The following PACRG variants were observed in gnomAD, a reference collection of about 807,000 sequenced individuals.
PACRG encodes parkin coregulated.
A neutral mutation model predicts 29.7 loss-of-function variants in PACRG; 29 were observed. That is an observed-to-expected ratio of 0.98 (90% confidence interval 0.73 to 1.33). The LOEUF is 1.33. Among genes scored for constraint, PACRG ranks in the 40% most tolerant of loss-of-function variants. The probability of loss-of-function intolerance (pLI) is 0.00; values close to 1 mark genes in which losing one functional copy is unlikely to be tolerated. For synonymous variants in PACRG, 116 were observed against 118.7 expected (o/e 0.98, Z 0.15); for missense variants, 279 against 316.2 (o/e 0.88, Z 0.89).
At chr6:163,069,824 C>T (rs563305989) in intron 3 of PACRG, among the ~76,000 whole-genome samples, 1 of 152,020 alleles carries the variant, frequency 6.6e-6, no homozygotes, top group East Asian at 1.9e-4. Context: ...TATAAAACAC[C>T]AACCAGATTT....
At chr6:162,727,766 TC>T, upstream of PACRG, 1 of 1,279,874 alleles carries the variant, frequency 7.8e-7, no homozygotes, top group Non-Finnish European at 1.1e-6. Context: ...GGTTAAATCC[TC>T]CAGGCCTCCC....
At chr6:163,239,678 CTACACACACACGCACACTCCCACA>C (rs1231310455) in intron 4 of PACRG, among the ~76,000 whole-genome samples, 2 of 148,380 alleles carry the variant, frequency 1.3e-5, no homozygotes, top group African/African-American at 2.5e-5. Flanking sequence ...CCCCCCACCC[CTACACACACACGCACACTCCCACA>C]TACACACACA....
intron 1 of PACRG, among the ~76,000 whole-genome samples, chr6:162,733,555 A>G (rs1162082676): frequency 6.6e-6 from 1 of 152,148 alleles, no homozygotes; most frequent in Non-Finnish European, 1.5e-5. Flanking sequence ...GAGAAGGCCG[A>G]ATCATGGCAT....
intron 4 of PACRG, among the ~76,000 whole-genome samples, chr6:163,104,841 T>C (rs1455759761): frequency 6.6e-6 from 1 of 152,224 alleles, no homozygotes; most frequent in East Asian, 1.9e-4. Flanking sequence ...GCTCTTGCCA[T>C]GTATACTTCA....
intron 4 of PACRG, among the ~76,000 whole-genome samples, chr6:163,122,121 C>T (rs1173415271): frequency 6.6e-6 from 1 of 152,064 alleles, no homozygotes; most frequent in Non-Finnish European, 1.5e-5. Flanking sequence ...TGAAATTGGT[C>T]TCTAGTTCCA....
chr6:163,019,306 C>A (rs1465567147), intron 2 of PACRG, among the ~76,000 whole-genome samples: 1 of 152,186 alleles, frequency 6.6e-6, no homozygotes, highest in African/African-American at 2.4e-5. Flanking sequence ...GCCTCCTCTT[C>A]TATTGCCTCT....
chr6:163,163,330 G>A (rs1778645864), intron 4 of PACRG, among the ~76,000 whole-genome samples: 1 of 152,144 alleles, frequency 6.6e-6, no homozygotes, highest in African/African-American at 2.4e-5. Context: ...GGAGTGCAGT[G>A]GCATGATCTC....
At chr6:163,272,985 G>T (rs947882379) in intron 4 of PACRG, among the ~76,000 whole-genome samples, 1 of 134,304 alleles carries the variant, frequency 7.4e-6, no homozygotes, top group Admixed American at 7.5e-5. Flanking sequence ...TCCGCCTCCC[G>T]GGTTCACGCC....
chr6:163,300,364 C>T lies in PACRG; in HGVS notation c.614-14463C>T, dbSNP rs535943080. Among the ~76,000 whole-genome samples, 12 of 152,324 alleles carry T rather than the reference C, an allele frequency of 7.9e-5. No homozygotes were observed. The South Asian group carries it at 1.0e-3, about 13-fold the overall frequency. On this transcript the variant is annotated intron_variant, in intron 4 of 4. Coordinates refer to ENST00000366888, the MANE Select transcript of PACRG (RefSeq NM_001080379.2). ...TGGCGCTGAAGAGTCTGGAAGAGGA[C>T]GGAGGGTTTCTTTGGGCTCAGAGGC...
chr6:163,116,292 A>G (rs757240992), intron 4 of PACRG, among the ~76,000 whole-genome samples: 9 of 152,180 alleles, frequency 5.9e-5, no homozygotes, highest in Non-Finnish European at 1.2e-4. Context: ...ACGCACTATT[A>G]AATGACCAGA....
rs149201823 is a variant in PACRG at position 163,240,729 on chromosome 6, C to T, written c.614-74098C>T. Among the ~76,000 whole-genome samples the T allele has an allele frequency of 3.4e-3, 518 of 152,358 alleles. 1 individual carries two copies. The highest frequency in any genetic ancestry group is 0.012 in the African/African-American group (483 of 41,584). ...CTAAACTCCTTGTTCATGGAATCAACAGCCGACTGTGCCGTCCTCACCCTC... is the reference window on the plus strand; with the variant it reads ...CTAAACTCCTTGTTCATGGAATCAATAGCCGACTGTGCCGTCCTCACCCTC... On this transcript the variant is annotated intron_variant, in intron 4 of 4. Transcript: ENST00000366888.
At chr6:163,029,358 A>G (rs1807444229) in intron 2 of PACRG, among the ~76,000 whole-genome samples, 1 of 152,212 alleles carries the variant, frequency 6.6e-6, no homozygotes, top group Non-Finnish European at 1.5e-5. Context: ...TTGTTACAGC[A>G]GCCATAGGAG....
At chr6:163,045,130 G>T (rs1192669989) in intron 2 of PACRG, among the ~76,000 whole-genome samples, 1 of 152,128 alleles carries the variant, frequency 6.6e-6, no homozygotes, top group Non-Finnish European at 1.5e-5. Context: ...TGTAGGGAAG[G>T]TGCCAAGGTG....
At chr6:162,920,624 A>G (rs1032523095) in intron 2 of PACRG, among the ~76,000 whole-genome samples, 1 of 152,182 alleles carries the variant, frequency 6.6e-6, no homozygotes, top group Non-Finnish European at 1.5e-5. Context: ...TGGGTATGCA[A>G]TGTGGAAAAG....
At position 162,766,063 on chromosome 6, in the gene PACRG, C is replaced by A. The variant is rs77831307; in HGVS notation, c.156+37672C>A. 8.5e-3 allele frequency among the ~76,000 whole-genome samples: 1,295 copies of A among 152,238 alleles called. 19 individuals carry two copies. Among genetic ancestry groups the A allele is most frequent in the African/African-American group, 0.029 (1,216 of 41,536 alleles). ...TCTGTCACTCAACTATTTATCATTTCTTTGTGGTGAAAACATTTAAAATTC... is the reference window on the plus strand; with the variant it reads ...TCTGTCACTCAACTATTTATCATTTATTTGTGGTGAAAACATTTAAAATTC... On this transcript the variant is annotated intron_variant, in intron 1 of 4. Transcript: ENST00000366888.
chr6:162,831,807 C>G (rs1409985721), intron 2 of PACRG, among the ~76,000 whole-genome samples: 1 of 152,184 alleles, frequency 6.6e-6, no homozygotes, highest in African/African-American at 2.4e-5. Flanking sequence ...TGGCTTCCAG[C>G]TCCATCCATG....
At position 163,228,320 on chromosome 6, in the gene PACRG, G is replaced by GAAAATGA. The variant is rs1446608523; in HGVS notation, c.614-86506_614-86500dup. The stretch of plus-strand genomic sequence containing the variant: ...CAGAGGGTGTTCTTAATCTACGCCT[G>GAAAATGA]AAAATGATTGAAATGGACATCAGTG... On this transcript the variant is annotated intron_variant, in intron 4 of 4. Coordinates refer to ENST00000366888, the MANE Select transcript of PACRG (RefSeq NM_001080379.2). Among the ~76,000 whole-genome samples the GAAAATGA allele has an allele frequency of 3.4e-5, 4 of 119,352 alleles. No homozygotes were observed. The Admixed American group carries it at 4.7e-4, about 14-fold the overall frequency. 78.3% of individuals were successfully genotyped at this position (119,352 alleles called of 152,430 possible). A position where few individuals can be genotyped will look rare whatever the true frequency, so the allele number is the denominator to read the frequency against.
intron 2 of PACRG, among the ~76,000 whole-genome samples, chr6:162,985,641 G>A (rs184880440): frequency 6.6e-6 from 1 of 152,156 alleles, no homozygotes; most frequent in Admixed American, 6.6e-5. Context: ...CCTGAGAACT[G>A]GAACAAGACA....
At chr6:163,091,486 C>T (rs939235454) in intron 4 of PACRG, among the ~76,000 whole-genome samples, 1 of 152,198 alleles carries the variant, frequency 6.6e-6, no homozygotes, top group Non-Finnish European at 1.5e-5. Flanking sequence ...TGGAGTCTTT[C>T]TAAATGCATG....
Sources: gnomAD v4.1 joint callset for allele counts (sites outside exome capture counted in the v4.1 genomes callset) on GRCh38, gnomAD v4.1.1 for gene constraint, MANE v1.5 for transcripts, NCBI Gene and HGNC (gene_info 2026-07-23, HGNC 2026-07-21) for gene names.